The following ACADSB variants were observed in gnomAD, a reference collection of about 807,000 sequenced individuals.
ACADSB encodes the protein acyl-CoA dehydrogenase short/branched chain, also known as short/branched chain specific acyl-CoA dehydrogenase, mitochondrial.
In ACADSB, 40 loss-of-function variants were observed where a neutral mutation model predicts 54.1. That is an observed-to-expected ratio of 0.74 (90% CI 0.57 to 0.96). The LOEUF is 0.96. ACADSB is among the 40% of genes least tolerant of loss of function. The pLI, the probability that ACADSB is intolerant of heterozygous loss-of-function variation, is 0.00. For synonymous variants in ACADSB, 182 were observed against 182.8 expected (o/e 1.00, Z 0.03); for missense variants, 530 against 510.4 (o/e 1.04, Z -0.37).
intron 1 of ACADSB, among the ~76,000 whole-genome samples, chr10:123,032,889 T>C (rs1050047584): frequency 2.2e-4 from 34 of 152,198 alleles, no homozygotes; most frequent in African/African-American, 7.5e-4. Flanking sequence ...ATGCCTGGCC[T>C]CCAATTTCCA....
intron 3 of ACADSB, 122 bp from the exon 4 acceptor site, chr10:123,040,344 G>T: frequency 1.2e-6 from 1 of 860,856 alleles, no homozygotes; most frequent in East Asian, 2.8e-5. Flanking sequence ...GAGCAAGACT[G>T]TCTCAAAAAA....
chr10:123,034,656 C>A, intron 2 of ACADSB, 141 bp downstream of exon 2: 2 of 853,136 alleles, frequency 2.3e-6, no homozygotes, highest in South Asian at 1.4e-5. Flanking sequence ...AAAAATATCA[C>A]CTTATTATTC....
chr10:123,045,131 G>GTATATATATATA (rs759224009), intron 7 of ACADSB, among the ~76,000 whole-genome samples: 8 of 26,876 alleles, frequency 3.0e-4, no homozygotes, highest in Non-Finnish European at 5.2e-4. Context: ...TTTGTAGAGT[G>GTATATATATATA]TATATATATA....
intron 1 of ACADSB, among the ~76,000 whole-genome samples, chr10:123,026,593 A>T (rs1030953137): frequency 2.0e-5 from 3 of 152,164 alleles, no homozygotes; most frequent in Admixed American, 2.0e-4. Context: ...TCTAAGGTGG[A>T]GCCTAGTTCT....
chr10:123,043,056 G>A lies in ACADSB; in HGVS notation c.692G>A (p.Gly231Glu), dbSNP rs1485006032. Residue 231 changes from glycine (G) to glutamate (E), a missense_variant, in exon 6 of 11, where the codon GGA becomes GAA. Physicochemically the swap from Gly to Glu is moderately conservative, Grantham distance 98 (BLOSUM62 -2). Coordinates refer to ENST00000358776, the MANE Select transcript of ACADSB (RefSeq NM_001609.4). ...AATTCTTCTTTTTAGGGATATAAGG[G>A]AATTACCTCCTTCTTAGTAGATCGT... is the stretch of plus-strand genomic sequence containing the variant. ...ANVDPTIGYKGITSFLVDRDT... is the reference protein window; with the variant it reads ...ANVDPTIGYKEITSFLVDRDT... The A allele has an allele frequency of 6.2e-7, 1 of 1,613,724 alleles. No homozygotes were observed. The highest frequency in any genetic ancestry group is 1.1e-5 in the South Asian group (1 of 91,070).
chr10:123,016,942 A>G (rs567174380), intron 1 of ACADSB, among the ~76,000 whole-genome samples: 17 of 152,320 alleles, frequency 1.1e-4, no homozygotes, highest in African/African-American at 4.1e-4. Context: ...TGGAATGCAT[A>G]CTGAGGAGGT....
At chr10:123,024,717 G>A (rs1369156273) in intron 1 of ACADSB, among the ~76,000 whole-genome samples, 1 of 152,240 alleles carries the variant, frequency 6.6e-6, no homozygotes, top group Non-Finnish European at 1.5e-5. Context: ...ACACCTAACA[G>A]GGTGGGGCCG....
chr10:123,033,843 G>T lies in ACADSB; in HGVS notation c.43-513G>T, dbSNP rs140168655. On this transcript the variant is annotated intron_variant, in intron 1 of 10. Coordinates refer to ENST00000358776, the MANE Select transcript of ACADSB (RefSeq NM_001609.4). The stretch of plus-strand genomic sequence containing the variant: ...TTAATTTTTATGCTGCCTGTAAGAT[G>T]CTGAAAAAAAAAATTAGCCACGGAA... Among the ~76,000 whole-genome samples, 61 of 152,156 alleles carry T rather than the reference G, an allele frequency of 4.0e-4. No individual in the cohort carries two copies. In the East Asian group the frequency reaches 0.011, roughly 28 times the overall value.
At position 123,052,420 on chromosome 10, in the gene ACADSB, G is replaced by A. The variant is rs981924511; in HGVS notation, c.1129-641G>A. Among the ~76,000 whole-genome samples, 1 of 152,122 alleles carries A rather than the reference G, an allele frequency of 6.6e-6. No homozygotes were observed. The highest frequency in any genetic ancestry group is 6.5e-5 in the Admixed American group (1 of 15,270). ...CTCTGCTTCCTGTCTCCATGGTCAC[G>A]TCACCTTCCATGACTAACTCTCCTG... is the stretch of plus-strand genomic sequence containing the variant. On this transcript the variant is annotated intron_variant, in intron 9 of 10. Transcript: ENST00000358776. The surrounding 1 kb of genome is among the most constrained non-coding windows in gnomAD (Gnocchi z 4.2).
At chr10:123,050,467 A>G (rs1299167913) in intron 8 of ACADSB, among the ~76,000 whole-genome samples, 3 of 152,226 alleles carry the variant, frequency 2.0e-5, no homozygotes, top group Non-Finnish European at 4.4e-5. Flanking sequence ...GAAATTGTTT[A>G]TAAATGTTAA....
In ACADSB at chr10:123,051,191, A is replaced by G. The variant is rs1317489499; in HGVS notation, c.1128+5A>G. ...GCCAAATACTATGCATCAGAGGTAA[A>G]AAAAAAAAAAAAAAAAAAAAAGGAA... On this transcript the variant is annotated splice_donor_5th_base_variant and intron_variant, in intron 9 of 10. Coordinates refer to ENST00000358776, the MANE Select transcript of ACADSB (RefSeq NM_001609.4). The G allele has an allele frequency of 2.1e-4, 60 of 280,822 alleles. No individual in the cohort carries two copies. The highest frequency in any genetic ancestry group is 3.1e-4 in the Non-Finnish European group (57 of 183,376). 17.4% of individuals were successfully genotyped at this position (280,822 alleles called of 1,614,324 possible).
intron 1 of ACADSB, among the ~76,000 whole-genome samples, chr10:123,032,878 C>G (rs1181028025): frequency 3.9e-5 from 6 of 152,142 alleles, no homozygotes; most frequent in Non-Finnish European, 7.4e-5. Flanking sequence ...CGTGAGCCAC[C>G]ATGCCTGGCC....
In ACADSB at chr10:123,041,351, T is replaced by C. The variant is rs1187245663; in HGVS notation, c.653T>C (p.Leu218Pro). 2.5e-6 allele frequency: 4 copies of C among 1,614,214 alleles called. No individual in the cohort carries two copies. The highest frequency in any genetic ancestry group is 4.5e-5 in the East Asian group (2 of 44,876). The change falls in exon 5 of 11, where the codon CTG becomes CCG. Residue 218 changes from leucine (L) to proline (P), a missense_variant. By Grantham distance (98) the Leu-to-Pro change is moderately conservative. Coordinates refer to ENST00000358776, the MANE Select transcript of ACADSB (RefSeq NM_001609.4). The part of the protein sequence containing the change: ...ISSAEHAGLF[L>P]VMANVDPTIG... The stretch of plus-strand genomic sequence containing the variant: ...AGTGCTGAGCACGCAGGGCTCTTTC[T>C]GGTGATGGCAAATGTAGACCCTACC...
intron 1 of ACADSB, 55 bp from the exon 2 acceptor site, chr10:123,034,301 C>T (rs1564750002): frequency 6.4e-7 from 1 of 1,565,132 alleles, no homozygotes; most frequent in Non-Finnish European, 8.8e-7. Context: ...TAAAGTCATT[C>T]CCAAAGAAAA....
At chr10:123,034,101 A>T (rs1017716968) in intron 1 of ACADSB, among the ~76,000 whole-genome samples, 2 of 152,242 alleles carry the variant, frequency 1.3e-5, no homozygotes, top group Non-Finnish European at 2.9e-5. Flanking sequence ...TTTTTGAGAA[A>T]GTTCTGTCTC....
chr10:123,045,451 A>G (rs1370428991), intron 7 of ACADSB, among the ~76,000 whole-genome samples: 1 of 151,864 alleles, frequency 6.6e-6, no homozygotes, highest in Non-Finnish European at 1.5e-5. Flanking sequence ...AAGTGCTGGG[A>G]TTACAGGCGT....
At position 123,040,480 on chromosome 10, in the gene ACADSB, A is replaced by C; in HGVS notation, c.318A>C (p.Glu106Asp). The C allele has an allele frequency of 1.2e-6, 2 of 1,614,100 alleles. No homozygotes were observed. Among genetic ancestry groups the C allele is most frequent in the Non-Finnish European group, 1.7e-6 (2 of 1,179,952 alleles). The change falls in exon 4 of 11, where the codon GAA (glutamate) becomes GAC (aspartate). Residue 106 changes from glutamate (E) to aspartate (D), a missense_variant. By Grantham distance (45) the Glu-to-Asp change is conservative. Transcript: ENST00000358776. ...GLFQQGLMGIEVDPEYGGTGA... is the reference protein window; with the variant it reads ...GLFQQGLMGIDVDPEYGGTGA... ...TTTTTCTTTAGTTGATGGGTATTGAAGTTGACCCAGAATATGGAGGCACAG... is the reference window on the plus strand; with the variant it reads ...TTTTTCTTTAGTTGATGGGTATTGACGTTGACCCAGAATATGGAGGCACAG...
chr10:123,047,776 G>C (rs1232299127), intron 8 of ACADSB, among the ~76,000 whole-genome samples: 6 of 152,226 alleles, frequency 3.9e-5, no homozygotes, highest in Admixed American at 3.9e-4. Flanking sequence ...CTCAGTAAAT[G>C]GTAACACTTG....
intron 10 of ACADSB, 41 bp from the exon 11 acceptor site, chr10:123,053,654 C>G (rs774896889): frequency 7.1e-6 from 11 of 1,547,252 alleles, no homozygotes; most frequent in Non-Finnish European, 8.9e-6. Context: ...CTTAACCATG[C>G]GCCAACTCCT....
Sources: allele counts gnomAD v4.1 joint callset (sites outside exome capture counted in the v4.1 genomes callset), GRCh38; gene constraint gnomAD v4.1.1; non-coding constraint Gnocchi (gnomAD v3.1); transcripts MANE v1.5; gene names NCBI Gene and HGNC (gene_info 2026-07-23, HGNC 2026-07-21).